The following GPM6A variants were observed in gnomAD, a reference collection of about 807,000 sequenced individuals.
The protein encoded by GPM6A is neuronal membrane glycoprotein M6-a.
GPM6A carries 7 observed loss-of-function variants against 32.1 expected under a neutral mutation model. The observed-to-expected ratio is 0.22, with a 90% CI of 0.12 to 0.41. GPM6A has a LOEUF of 0.41. Among genes scored for constraint, GPM6A ranks in the 10% least tolerant of loss-of-function variants. The pLI, the probability that GPM6A is intolerant of heterozygous loss-of-function variation, is 1.00. For missense variants in GPM6A, 235 were observed against 347.2 expected (o/e 0.68, Z 2.57); for synonymous variants, 130 against 123.4 (o/e 1.05, Z -0.35).
chr4:175,725,295 GTTTT>G (rs34600738), intron 1 of GPM6A, among the ~76,000 whole-genome samples: 1 of 130,332 alleles, frequency 7.7e-6, no homozygotes, highest in Admixed American at 7.9e-5. Context: ...TTGGGTTTTT[GTTTT>G]TTTTTTTTTT....
At chr4:175,975,892 A>G (rs77901238) in intron 1 of GPM6A, among the ~76,000 whole-genome samples, 118 of 152,274 alleles carry the variant, frequency 7.7e-4, no homozygotes, top group African/African-American at 2.7e-3. Context: ...GTCATTTTAA[A>G]TGATTTTCAT....
rs1464928239 is a variant in GPM6A at position 175,880,638 on chromosome 4, T to C, written c.-22-68389A>G. Among the ~76,000 whole-genome samples, 3 of 152,214 alleles carry C rather than the reference T, an allele frequency of 2.0e-5. No individual in the cohort carries two copies. In the East Asian group the frequency reaches 5.8e-4, roughly 29 times the overall value. On this transcript the variant is annotated intron_variant, in intron 1 of 7. Transcript: ENST00000280187. Reference sequence around the variant, plus strand: ...AATTGGATTCCTAAGTATTTTATTGTCTTTGAAGCAATTGTGAATGGGAGT... The same window carrying C: ...AATTGGATTCCTAAGTATTTTATTGCCTTTGAAGCAATTGTGAATGGGAGT...
At chr4:175,711,832 T>C (rs1039195295) in intron 1 of GPM6A, among the ~76,000 whole-genome samples, 77 of 152,086 alleles carry the variant, frequency 5.1e-4, no homozygotes, top group Admixed American at 5.0e-3. Flanking sequence ...TTGTATTTCC[T>C]TTTTCCTTTT....
At chr4:175,864,908 C>T (rs1419884562) in intron 1 of GPM6A, among the ~76,000 whole-genome samples, 2 of 151,826 alleles carry the variant, frequency 1.3e-5, no homozygotes, top group Non-Finnish European at 2.9e-5. Flanking sequence ...TAGGCTCAAG[C>T]AATTCTCCTG....
At chr4:175,840,550 T>A (rs1322832125) in intron 1 of GPM6A, among the ~76,000 whole-genome samples, 1 of 152,164 alleles carries the variant, frequency 6.6e-6, no homozygotes, top group African/African-American at 2.4e-5. Context: ...GGCGCAGGCC[T>A]GTAATCCCAG....
At chr4:175,718,368 C>G (rs916504065) in intron 1 of GPM6A, among the ~76,000 whole-genome samples, 1 of 152,104 alleles carries the variant, frequency 6.6e-6, no homozygotes, top group Non-Finnish European at 1.5e-5. Context: ...GTAATCCCAG[C>G]ACTTTGGGAG....
intron 1 of GPM6A, among the ~76,000 whole-genome samples, chr4:175,963,082 G>T (rs1740218022): frequency 6.6e-6 from 1 of 151,450 alleles, no homozygotes; most frequent in Non-Finnish European, 1.5e-5. Flanking sequence ...AACTCAGTAA[G>T]CTTGAAAAAA....
At chr4:175,916,444 G>C (rs1381870005) in intron 1 of GPM6A, among the ~76,000 whole-genome samples, 1 of 152,184 alleles carries the variant, frequency 6.6e-6, no homozygotes, top group African/African-American at 2.4e-5. Context: ...TTGCTTTTCA[G>C]TAGTTTAGAA....
At chr4:175,909,891 G>A (rs755045361) in intron 1 of GPM6A, among the ~76,000 whole-genome samples, 2 of 152,074 alleles carry the variant, frequency 1.3e-5, no homozygotes, top group Non-Finnish European at 2.9e-5. Context: ...TAAAAAAAGA[G>A]AAACCAAGTA....
At chr4:175,722,790 T>C (rs763649803) in intron 1 of GPM6A, among the ~76,000 whole-genome samples, 2 of 152,068 alleles carry the variant, frequency 1.3e-5, no homozygotes, top group Non-Finnish European at 2.9e-5. Context: ...ATACCTGTAA[T>C]CCCAGCCCTT....
chr4:175,672,554 T>A (rs1193814990), intron 3 of GPM6A, among the ~76,000 whole-genome samples: 2 of 152,214 alleles, frequency 1.3e-5, no homozygotes, highest in Non-Finnish European at 2.9e-5. Flanking sequence ...TCATATTTTA[T>A]TTTTTCATCA....
chr4:175,889,781 C>T (rs900656465), intron 1 of GPM6A, among the ~76,000 whole-genome samples: 4 of 152,004 alleles, frequency 2.6e-5, no homozygotes, highest in Admixed American at 6.6e-5. Context: ...CCACTGCACT[C>T]CAGCCTGGGT....
chr4:175,733,639 AAG>A (rs1030138466), intron 1 of GPM6A, among the ~76,000 whole-genome samples: 2 of 152,224 alleles, frequency 1.3e-5, no homozygotes, highest in African/African-American at 4.8e-5. Context: ...TTAAAAAAAA[AAG>A]TGTTTTTTTC....
At chr4:175,725,793 T>C (rs1163987580) in intron 1 of GPM6A, among the ~76,000 whole-genome samples, 2 of 152,068 alleles carry the variant, frequency 1.3e-5, no homozygotes, top group African/African-American at 4.8e-5. Context: ...ATAGAAAAAA[T>C]TTGTATGCTA....
intron 1 of GPM6A, among the ~76,000 whole-genome samples, chr4:175,747,458 T>C (rs563064871): frequency 1.3e-5 from 2 of 152,240 alleles, no homozygotes; most frequent in Non-Finnish European, 2.9e-5. Context: ...TCCAAGATAT[T>C]GTGGGTTCCA....
chr4:175,993,792 A>G (rs968000115), intron 1 of GPM6A, among the ~76,000 whole-genome samples: 1 of 152,152 alleles, frequency 6.6e-6, no homozygotes, highest in Non-Finnish European at 1.5e-5. Flanking sequence ...ACATTCACAA[A>G]TAACTATAAT....
intron 1 of GPM6A, among the ~76,000 whole-genome samples, chr4:175,900,875 T>C (rs927326164): frequency 2.6e-5 from 4 of 152,188 alleles, no homozygotes; most frequent in African/African-American, 9.7e-5. Flanking sequence ...GCAACCTACA[T>C]GTCCATCAAC....
At chr4:175,718,150 A>G (rs562467996) in intron 1 of GPM6A, among the ~76,000 whole-genome samples, 2 of 152,210 alleles carry the variant, frequency 1.3e-5, no homozygotes, top group Non-Finnish European at 2.9e-5. Context: ...TAGTGTTTAT[A>G]TGTATCTTTG....
chr4:175,928,527 G>C (rs757311266), intron 1 of GPM6A, among the ~76,000 whole-genome samples: 2 of 152,158 alleles, frequency 1.3e-5, no homozygotes, highest in African/African-American at 2.4e-5. Flanking sequence ...AATAAGTAAT[G>C]GAAATTGAAA....
Sources: gnomAD v4.1 joint callset for allele counts (sites outside exome capture counted in the v4.1 genomes callset) on GRCh38, gnomAD v4.1.1 for gene constraint, MANE v1.5 for transcripts, NCBI Gene and HGNC (gene_info 2026-07-23, HGNC 2026-07-21) for gene names.